VIPR2: variants seen among roughly 807,000 people sequenced by gnomAD.
VIPR2 encodes the protein vasoactive intestinal polypeptide receptor 2.
VIPR2 carries 48 observed loss-of-function variants against 58.0 expected under a neutral mutation model. The ratio of observed to expected loss-of-function variants is 0.83; its 90% CI spans 0.66 to 1.05. VIPR2 has a LOEUF of 1.05. Among genes scored for constraint, VIPR2 ranks in the 50% least tolerant of loss-of-function variants. VIPR2 has a pLI of 0.00. For synonymous variants in VIPR2, 243 were observed against 235.2 expected, an observed-to-expected ratio of 1.03 and a Z score of -0.30; for missense variants, 534 against 558.0, an observed-to-expected ratio of 0.96 and a Z score of 0.43.
intron 4 of VIPR2, among the ~76,000 whole-genome samples, chr7:159,070,018 C>T (rs1856297599): frequency 6.6e-6 from 1 of 152,162 alleles, no homozygotes; most frequent in South Asian, 2.1e-4. Context: ...TGGACATTTC[C>T]CTCCAGACAG....
chr7:159,042,849 C>T (rs1293513628), intron 6 of VIPR2, among the ~76,000 whole-genome samples, 186 bp downstream of exon 6: 1 of 152,244 alleles, frequency 6.6e-6, no homozygotes, highest in East Asian at 1.9e-4. Flanking sequence ...CAGTGCCACC[C>T]CCATGTCTCA....
In VIPR2 at chr7:159,079,918, A is replaced by G. The variant is rs1219133760; in HGVS notation, c.358-21340T>C. 3.3e-5 allele frequency among the ~76,000 whole-genome samples: 5 copies of G among 152,246 alleles called. No individual in the cohort carries two copies. The East Asian group carries it at 9.6e-4, about 29-fold the overall frequency. On this transcript the variant is annotated intron_variant, in intron 4 of 12. Transcript: ENST00000262178. ...TACACTCTCCCAAGACTAAACCAGGAAGAAGTTGAATCTCTGAATAGGCCA... is the reference window on the plus strand; with the variant it reads ...TACACTCTCCCAAGACTAAACCAGGGAGAAGTTGAATCTCTGAATAGGCCA...
At position 159,029,555 on chromosome 7, in the gene VIPR2, C is replaced by G. The variant is rs1186293310; in HGVS notation, c.*1061G>C. 6.6e-6 allele frequency: 1 copy of G among 152,252 alleles called. No homozygotes were observed. The highest frequency in any genetic ancestry group is 1.5e-5 in the Non-Finnish European group (1 of 68,054). The allele number at this position is 152,252 out of a possible 1,614,324, so 9.4% of individuals were successfully genotyped here. The stretch of plus-strand genomic sequence containing the variant: ...AGAGAATAGGTTTCCGGTTCCCACT[C>G]AGCTGTATCCCGCACCCCACGTAAC... On this transcript the variant is annotated 3_prime_UTR_variant, in exon 13 of 13. Transcript: ENST00000262178.
chr7:159,114,971 T>C (rs1362840279), intron 2 of VIPR2, among the ~76,000 whole-genome samples: 2 of 152,200 alleles, frequency 1.3e-5, no homozygotes, highest in Non-Finnish European at 2.9e-5. Context: ...GTGTCATAAG[T>C]TGCAGCTAAA....
intron 6 of VIPR2, among the ~76,000 whole-genome samples, chr7:159,037,108 C>T (rs1010491501): frequency 5.3e-5 from 8 of 152,170 alleles, no homozygotes; most frequent in Admixed American, 3.3e-4. Flanking sequence ...TTTGTATCCG[C>T]GGCTCCAGAG....
intron 4 of VIPR2, among the ~76,000 whole-genome samples, chr7:159,065,836 C>G (rs1316946799): frequency 6.6e-6 from 1 of 152,206 alleles, no homozygotes; most frequent in Non-Finnish European, 1.5e-5. Context: ...CCACAGTGTC[C>G]ACTACAGAGT....
chr7:159,122,809 GA>G (rs1274238951), intron 2 of VIPR2, among the ~76,000 whole-genome samples: 3 of 152,216 alleles, frequency 2.0e-5, no homozygotes, highest in African/African-American at 7.2e-5. Flanking sequence ...CAGCTTGATG[GA>G]ATGATTCACC....
intron 4 of VIPR2, among the ~76,000 whole-genome samples, chr7:159,062,664 GCAGCAGCAAGATTTA>G (rs952027180): frequency 7.9e-5 from 12 of 151,388 alleles, no homozygotes; most frequent in African/African-American, 2.2e-4. Context: ...CAAAGAACAA[GCAGCAGCAAGATTTA>G]CTGCAGCAAG....
At position 159,059,031 on chromosome 7, in the gene VIPR2, T is replaced by C. The variant is rs529921393; in HGVS notation, c.358-453A>G. ...CAGGGTGAGGTGTTCCAGACAGAGG[T>C]ACTTGCCTAAGCCAGAGCCAGCTGC... On this transcript the variant is annotated intron_variant, in intron 4 of 12. Transcript: ENST00000262178. 2.6e-5 allele frequency among the ~76,000 whole-genome samples: 4 copies of C among 152,324 alleles called. No individual in the cohort carries two copies. In the South Asian group the frequency reaches 8.3e-4, roughly 32 times the overall value.
intron 5 of VIPR2, among the ~76,000 whole-genome samples, chr7:159,048,002 G>C (rs1388943636): frequency 6.6e-6 from 1 of 152,120 alleles, no homozygotes; most frequent in Middle Eastern, 3.2e-3. Flanking sequence ...AGCTAGGTAT[G>C]AAAAATTATG....
At chr7:159,094,951 T>G (rs1857744648) in intron 4 of VIPR2, among the ~76,000 whole-genome samples, 1 of 152,158 alleles carries the variant, frequency 6.6e-6, no homozygotes, top group South Asian at 2.1e-4. Flanking sequence ...TAGCAAATAT[T>G]TGTACTTTGC....
rs766696906 is a variant in VIPR2, at chr7:159,142,463, T to C, written c.134A>G (p.Gln45Arg). The C allele has an allele frequency of 1.2e-4, 193 of 1,613,900 alleles. No individual in the cohort carries two copies. Among genetic ancestry groups the C allele is most frequent in the Non-Finnish European group, 1.5e-4 (179 of 1,179,942 alleles). ...ETKCAELLRS[Q>R]TEKHKACSGV... ...TGCCTTACCTTTGTGTTTTTCTGTT[T>C]GAGACCTCAGAAGCTCTGCACATTT... The change falls in exon 2 of 13, where the codon CAA becomes CGA. Residue 45 changes from glutamine (Q) to arginine (R), a missense_variant. Physicochemically the swap from Gln to Arg is conservative, Grantham distance 43. This residue lies in a region of VIPR2 where 224 missense variants were observed against 255.7 expected (regional missense o/e 0.88). Transcript: ENST00000262178.
chr7:159,031,284 G>A lies in VIPR2; in HGVS notation c.1144-495C>T, dbSNP rs1198632688. ...GAAGCCGTGCTGGTGAAAGCTGCAT[G>A]TCAAGCAAAGAAAGCGCCAGCAACC... On this transcript the variant is annotated intron_variant, in intron 12 of 12. Transcript: ENST00000262178. The surrounding 1 kb of genome is among the most constrained non-coding windows in gnomAD (Gnocchi z 4.0). Among the ~76,000 whole-genome samples the A allele has an allele frequency of 6.6e-6, 1 of 151,788 alleles. No individual in the cohort carries two copies. The highest frequency in any genetic ancestry group is 1.9e-4 in the East Asian group (1 of 5,138).
rs1563258744 is a variant in VIPR2 at position 159,036,751 on chromosome 7, C to T, written c.748+1G>A. The stretch of plus-strand genomic sequence containing the variant: ...TTGTGGGTGGGAAGGGGCACACTTA[C>T]CCCATCCGATCAGGAGGTAGGCCAG... On this transcript the variant is annotated splice_donor_variant, in intron 7 of 12. Coordinates refer to ENST00000262178, the MANE Select transcript of VIPR2 (RefSeq NM_003382.5). LOFTEE classifies it high-confidence loss of function. 1.9e-6 allele frequency: 3 copies of T among 1,612,168 alleles called. No individual in the cohort carries two copies. Among genetic ancestry groups the T allele is most frequent in the Non-Finnish European group, 2.5e-6 (3 of 1,179,178 alleles).
chr7:159,120,295 AG>A (rs1796408561), intron 2 of VIPR2, among the ~76,000 whole-genome samples: 2 of 152,156 alleles, frequency 1.3e-5, no homozygotes, highest in African/African-American at 2.4e-5. Context: ...AGAGCAGGCA[AG>A]GATGCCTGGT....
chr7:159,105,780 C>T lies in VIPR2; in HGVS notation c.260-1926G>A, dbSNP rs888737034. ...CAAGCCTCCTAGAGACCTGGTCCCA[C>T]GGCCCCATTGTGCAGACAAGGAGAC... On this transcript the variant is annotated intron_variant, in intron 3 of 12. Transcript: ENST00000262178. 7.2e-5 allele frequency among the ~76,000 whole-genome samples: 11 copies of T among 152,334 alleles called. No individual in the cohort carries two copies. The East Asian group carries it at 9.6e-4, about 13-fold the overall frequency.
chr7:159,144,403 G>A, intron 1 of VIPR2: 1 of 1,546,722 alleles, frequency 6.5e-7, no homozygotes. Context: ...CAGCTCCCGG[G>A]ACGGCCCCGA....
chr7:159,033,805 AG>A (rs1319333148), intron 10 of VIPR2, among the ~76,000 whole-genome samples: 5 of 152,190 alleles, frequency 3.3e-5, no homozygotes, highest in Non-Finnish European at 7.3e-5. Context: ...AGAAAAAGAC[AG>A]GCTGTATAAC....
At position 159,096,984 on chromosome 7, in the gene VIPR2, G is replaced by A; in HGVS notation, c.357+6773C>T. The A allele has an allele frequency of 6.4e-7, 1 of 1,550,640 alleles. No homozygotes were observed. The highest frequency in any genetic ancestry group is 8.7e-7 in the Non-Finnish European group (1 of 1,146,998). On this transcript the variant is annotated intron_variant, in intron 4 of 12. Coordinates refer to ENST00000262178, the MANE Select transcript of VIPR2 (RefSeq NM_003382.5). The surrounding 1 kb of genome is among the most constrained non-coding windows in gnomAD (Gnocchi z 5.5). Reference sequence around the variant, plus strand: ...GCTGGGCCTGAGGACCATGAGGGGAGGCTTCCTTCAGAAAAGCTGCTGCTC... The same window carrying A: ...GCTGGGCCTGAGGACCATGAGGGGAAGCTTCCTTCAGAAAAGCTGCTGCTC...
Sources: allele counts gnomAD v4.1 joint callset (sites outside exome capture counted in the v4.1 genomes callset), GRCh38; gene constraint gnomAD v4.1.1; regional missense constraint gnomAD v4.1.1; non-coding constraint Gnocchi (gnomAD v3.1); transcripts MANE v1.5; gene names NCBI Gene and HGNC (gene_info 2026-07-23, HGNC 2026-07-21).